Variants in LPAR1 observed in about 807,000 individuals in gnomAD.
LPAR1 encodes lysophosphatidic acid receptor 1.
A neutral mutation model predicts 23.8 loss-of-function variants in LPAR1; 5 were observed. That is an observed-to-expected ratio of 0.21 (90% CI 0.11 to 0.44). The LOEUF (loss-of-function observed/expected upper bound fraction) is 0.44, where lower values mean the gene tolerates loss of function less well. LPAR1 is among the 20% of genes least tolerant of loss of function. The pLI is 0.99. For missense variants in LPAR1, 311 were observed against 482.8 expected (o/e 0.64, Z 3.33); for synonymous variants, 160 against 164.7 (o/e 0.97, Z 0.22).
chr9:110,934,566 T>A (rs1434643236), intron 5 of LPAR1: 1 of 152,094 alleles, frequency 6.6e-6, no homozygotes, highest in East Asian at 1.9e-4. Flanking sequence ...AGTCCCTTAT[T>A]TTTGTCCCAG....
chr9:111,027,277 T>C (rs2097709101), intron 2 of LPAR1, among the ~76,000 whole-genome samples: 1 of 152,014 alleles, frequency 6.6e-6, no homozygotes, highest in Admixed American at 6.6e-5. Flanking sequence ...GAAGTCAAGG[T>C]GAGAGTTCAA....
intron 4 of LPAR1, among the ~76,000 whole-genome samples, chr9:110,968,390 T>C (rs2096288888): frequency 6.6e-6 from 1 of 152,174 alleles, no homozygotes; most frequent in Non-Finnish European, 1.5e-5. Flanking sequence ...CCCACTGTAG[T>C]GCAACCATCC....
chr9:111,025,443 T>C (rs1333225662), intron 2 of LPAR1, among the ~76,000 whole-genome samples: 1 of 152,240 alleles, frequency 6.6e-6, no homozygotes, highest in Non-Finnish European at 1.5e-5. Context: ...ATTCTGGATA[T>C]TAGCCCTTTG....
intron 5 of LPAR1, among the ~76,000 whole-genome samples, chr9:110,879,203 G>C (rs1178817492): frequency 2.0e-5 from 3 of 152,038 alleles, no homozygotes; most frequent in African/African-American, 7.3e-5. Context: ...GATCACCTGA[G>C]GTCAGGAGTT....
At chr9:111,031,973 C>G (rs1338548187) in intron 2 of LPAR1, among the ~76,000 whole-genome samples, 2 of 152,138 alleles carry the variant, frequency 1.3e-5, no homozygotes, top group Admixed American at 1.3e-4. Context: ...AAGAACTTCT[C>G]TTACTAATGT....
At chr9:110,956,353 A>C (rs2095749731) in intron 4 of LPAR1, among the ~76,000 whole-genome samples, 1 of 152,024 alleles carries the variant, frequency 6.6e-6, no homozygotes, top group African/African-American at 2.4e-5. Flanking sequence ...AAAACTGCAC[A>C]TTCTGCACAT....
At chr9:111,018,489 C>A (rs1270896958) in intron 2 of LPAR1, among the ~76,000 whole-genome samples, 1 of 152,164 alleles carries the variant, frequency 6.6e-6, no homozygotes, top group African/African-American at 2.4e-5. Context: ...ATGGAATTAA[C>A]ATCACTTCCA....
chr9:110,979,709 G>A (rs766187780), intron 2 of LPAR1, among the ~76,000 whole-genome samples: 2 of 152,138 alleles, frequency 1.3e-5, no homozygotes, highest in Non-Finnish European at 2.9e-5. Context: ...ATGAAGCAAT[G>A]AGGAAGGCAG....
intron 4 of LPAR1, among the ~76,000 whole-genome samples, chr9:110,951,700 A>G (rs1292726193): frequency 6.6e-6 from 1 of 152,188 alleles, no homozygotes; most frequent in African/African-American, 2.4e-5. Context: ...AGCTTTGAAA[A>G]ACAGTTTGGC....
At chr9:110,992,433 T>C (rs892934760) in intron 2 of LPAR1, among the ~76,000 whole-genome samples, 3 of 152,216 alleles carry the variant, frequency 2.0e-5, no homozygotes, top group Non-Finnish European at 2.9e-5. Flanking sequence ...TGGAAAATAA[T>C]CTGACAGTTT....
rs553170281 is a variant in LPAR1, at chr9:110,914,194, A to G, written c.793+27227T>C. Among the ~76,000 whole-genome samples the G allele has an allele frequency of 1.4e-4, 22 of 152,308 alleles. No individual in the cohort carries two copies. The East Asian group carries it at 3.3e-3, about 23-fold the overall frequency. On this transcript the variant is annotated intron_variant, in intron 5 of 5. Coordinates refer to ENST00000683809, the MANE Select transcript of LPAR1 (RefSeq NM_001351411.2). ...GTCTCCCTAACTTTTAAACCATTTT[A>G]TCACTGTGTACACAAATGTCTTTGT...
At chr9:110,891,561 T>A (rs992911566) in intron 5 of LPAR1, among the ~76,000 whole-genome samples, 1 of 152,186 alleles carries the variant, frequency 6.6e-6, no homozygotes, top group African/African-American at 2.4e-5. Flanking sequence ...AAAACGGATC[T>A]CTGCATAACA....
At chr9:110,998,640 A>G (rs907648268) in intron 2 of LPAR1, among the ~76,000 whole-genome samples, 6 of 152,224 alleles carry the variant, frequency 3.9e-5, no homozygotes, top group Admixed American at 2.0e-4. Context: ...TTCACATTAT[A>G]TGACTTGATC....
intron 2 of LPAR1, among the ~76,000 whole-genome samples, chr9:111,034,403 G>C (rs1403932638): frequency 1.3e-5 from 2 of 151,270 alleles, no homozygotes; most frequent in African/African-American, 4.8e-5. Flanking sequence ...ACAAAAAAGA[G>C]AGGGGAAAAA....
chr9:110,942,610 A>G (rs1398647419), intron 4 of LPAR1, among the ~76,000 whole-genome samples: 2 of 152,208 alleles, frequency 1.3e-5, no homozygotes, highest in Admixed American at 1.3e-4. Flanking sequence ...CTGCATTTCT[A>G]TTCTCACACA....
At chr9:110,959,844 G>A (rs1025427530) in intron 4 of LPAR1, among the ~76,000 whole-genome samples, 4 of 152,088 alleles carry the variant, frequency 2.6e-5, no homozygotes, top group African/African-American at 9.7e-5. Flanking sequence ...GTCAGTTGCA[G>A]CAACACGAAT....
At chr9:110,980,696 G>A (rs2096648930) in intron 2 of LPAR1, among the ~76,000 whole-genome samples, 1 of 151,722 alleles carries the variant, frequency 6.6e-6, no homozygotes, top group African/African-American at 2.4e-5. Context: ...GCAAAAATAA[G>A]TTCTAGTGTT....
At chr9:111,007,791 G>A (rs2097250538) in intron 2 of LPAR1, among the ~76,000 whole-genome samples, 1 of 152,104 alleles carries the variant, frequency 6.6e-6, no homozygotes, top group Non-Finnish European at 1.5e-5. Flanking sequence ...AAAAGAAACA[G>A]CAATCTGTGC....
At chr9:110,983,908 C>T (rs1190958463) in intron 2 of LPAR1, among the ~76,000 whole-genome samples, 1 of 151,992 alleles carries the variant, frequency 6.6e-6, no homozygotes, top group African/African-American at 2.4e-5. Flanking sequence ...AAAAATTCTA[C>T]AGCCAATCAA....
Sources: gnomAD v4.1 joint callset for allele counts (sites outside exome capture counted in the v4.1 genomes callset) on GRCh38, gnomAD v4.1.1 for gene constraint, MANE v1.5 for transcripts, NCBI Gene and HGNC (gene_info 2026-07-23, HGNC 2026-07-21) for gene names.